DNMBP: variants seen among roughly 807,000 people sequenced by gnomAD.
DNMBP encodes the protein dynamin-binding protein.
In DNMBP, 87 loss-of-function variants were observed where a neutral mutation model predicts 150.0. The observed-to-expected ratio is 0.58, with a 90% CI of 0.49 to 0.69. DNMBP has a LOEUF of 0.69. Ranked by LOEUF, DNMBP falls within the 30% of genes least tolerant of loss-of-function variation. The pLI, the probability that DNMBP is intolerant of heterozygous loss-of-function variation, is 0.00. For synonymous variants in DNMBP, 711 were observed against 750.4 expected, an observed-to-expected ratio of 0.95 and a Z score of 0.86; for missense variants, 1,774 against 1,949.0, an observed-to-expected ratio of 0.91 and a Z score of 1.69.
chr10:100,000,196 TAA>T (rs2040994080), intron 1 of DNMBP, among the ~76,000 whole-genome samples: 1 of 152,176 alleles, frequency 6.6e-6, no homozygotes, highest in Non-Finnish European at 1.5e-5. Flanking sequence ...ACAGAAAAGC[TAA>T]AAAGTTTCCA....
rs1279614244 is a variant in DNMBP at position 100,000,879 on chromosome 10, A to AC, written c.-11+8958_-11+8959insG. On this transcript the variant is annotated intron_variant, in intron 1 of 16. Coordinates refer to ENST00000324109, the MANE Select transcript of DNMBP (RefSeq NM_015221.4). ...TATGGCAAAAAAAAAAAAAAAAAAA[A>AC]AAAAAAAACCCAGCAGGGTACAGGA... 6.9e-3 allele frequency among the ~76,000 whole-genome samples: 949 copies of AC among 137,130 alleles called. 17 individuals carry two copies. The highest frequency in any genetic ancestry group is 0.015 in the Middle Eastern group (4 of 268). The allele number at this position is 137,130 out of a possible 152,430, so 90.0% of individuals were successfully genotyped here.
chr10:99,877,332 T>C lies in DNMBP; in HGVS notation c.4553A>G (p.Tyr1518Cys), dbSNP rs139264891. ...TGCCTTGAAGGTGTAGACAGCAAAA[T>C]AGACCTGTGTGAGGGAGAGAGAGAA... ...DGSEAEGNQV[Y>C]FAVYTFKARN... The change falls in exon 17 of 17, where the codon TAT becomes TGT. Residue 1518 changes from tyrosine (Y) to cysteine (C), a missense_variant. Around this residue, in one of 2 missense-constraint regions of DNMBP, gnomAD observed 1,430 missense variants for 1,492.5 expected, o/e 0.96. Transcript: ENST00000324109. 4.5e-4 allele frequency: 717 copies of C among 1,609,374 alleles called. 8 individuals carry two copies. The highest frequency in any genetic ancestry group is 3.1e-3 in the Middle Eastern group (19 of 6,040).
intron 1 of DNMBP, among the ~76,000 whole-genome samples, chr10:100,003,935 A>C (rs897537817): frequency 3.9e-5 from 6 of 152,148 alleles, no homozygotes; most frequent in African/African-American, 1.4e-4. Flanking sequence ...AAATTCCTCA[A>C]AAATATAATT....
chr10:99,914,054 A>G, intron 4 of DNMBP: 1 of 1,473,516 alleles, frequency 6.8e-7, no homozygotes, highest in Non-Finnish European at 9.0e-7. Context: ...AACCCCCCAA[A>G]CTCCTTTGAA....
rs1002794140 is a variant in DNMBP at position 99,985,553 on chromosome 10, A to G, written c.-10-13419T>C. Among the ~76,000 whole-genome samples the G allele has an allele frequency of 2.0e-5, 3 of 152,216 alleles. No homozygotes were observed. In the East Asian group the frequency reaches 5.8e-4, roughly 29 times the overall value. On this transcript the variant is annotated intron_variant, in intron 1 of 16. Coordinates refer to ENST00000324109, the MANE Select transcript of DNMBP (RefSeq NM_015221.4). Reference sequence around the variant, plus strand: ...GTCAGGTGGAGGTTCCTTCAAAAGAATATGCTTCCACGAGCATCCTTATGT... The same window carrying G: ...GTCAGGTGGAGGTTCCTTCAAAAGAGTATGCTTCCACGAGCATCCTTATGT...
intron 11 of DNMBP, among the ~76,000 whole-genome samples, chr10:99,890,229 C>T (rs1325126534): frequency 6.6e-6 from 1 of 152,138 alleles, no homozygotes; most frequent in African/African-American, 2.4e-5. Context: ...GTTATAAAGT[C>T]CCCAAATATC....
Position 99,888,879 on chromosome 10 carries a change from C to T in DNMBP, c.3231G>A (p.Leu1077=). The T allele has an allele frequency of 1.2e-6, 2 of 1,614,160 alleles. No homozygotes were observed. Among genetic ancestry groups the T allele is most frequent in the Non-Finnish European group, 1.7e-6 (2 of 1,180,032 alleles). Residue 1077 remains leucine, a synonymous_variant, in exon 12 of 17, where the codon CTG becomes CTA. Transcript: ENST00000324109. ...DVCMERGHRD[L]EQFERVHRYI... ...AGCGATGCACCCTCTCAAACTGCTC[C>T]AGGTCCCGGTGTCCTCTCTCCATGC...
At chr10:99,913,662 T>A (rs1023556171) in intron 4 of DNMBP, among the ~76,000 whole-genome samples, 2 of 151,854 alleles carry the variant, frequency 1.3e-5, no homozygotes, top group Non-Finnish European at 2.9e-5. Context: ...CCTGATTCCA[T>A]TCCTTCTCAA....
chr10:100,003,527 C>G (rs922838783), intron 1 of DNMBP, among the ~76,000 whole-genome samples: 2 of 152,118 alleles, frequency 1.3e-5, no homozygotes, highest in Non-Finnish European at 1.5e-5. Flanking sequence ...GAAAAATGAG[C>G]TGAATAAACG....
intron 6 of DNMBP, among the ~76,000 whole-genome samples, chr10:99,900,881 T>C (rs2039728939): frequency 6.6e-6 from 1 of 152,210 alleles, no homozygotes; most frequent in South Asian, 2.1e-4. Flanking sequence ...GGATAAAGTA[T>C]ATTACATTAA....
At chr10:99,951,385 A>G (rs939013818) in intron 4 of DNMBP, among the ~76,000 whole-genome samples, 1 of 152,176 alleles carries the variant, frequency 6.6e-6, no homozygotes, top group Admixed American at 6.5e-5. Context: ...TGGAGCTGTG[A>G]GAAGAGGGCC....
At chr10:99,946,975 T>G (rs1375063724) in intron 4 of DNMBP, among the ~76,000 whole-genome samples, 1 of 152,134 alleles carries the variant, frequency 6.6e-6, no homozygotes, top group Non-Finnish European at 1.5e-5. Flanking sequence ...AAAAAATGCT[T>G]AACATCGCTA....
intron 6 of DNMBP, among the ~76,000 whole-genome samples, chr10:99,903,101 A>AT (rs35462310): frequency 0.083 from 11,149 of 134,280 alleles, 594 homozygotes; most frequent in Middle Eastern, 0.23. Flanking sequence ...CACCTGGGCA[A>AT]TTTTTTTTTT....
intron 15 of DNMBP, among the ~76,000 whole-genome samples, chr10:99,882,378 G>T (rs920741024): frequency 6.6e-6 from 1 of 152,156 alleles, no homozygotes; most frequent in African/African-American, 2.4e-5. Context: ...TCTCTGCAAA[G>T]AAATGACAAG....
chr10:99,947,558 A>G (rs943499284), intron 4 of DNMBP, among the ~76,000 whole-genome samples: 1 of 139,606 alleles, frequency 7.2e-6, no homozygotes, highest in Admixed American at 7.1e-5. Flanking sequence ...TGGGGACTAC[A>G]GGACAATGGA....
In DNMBP at chr10:99,902,025, C is replaced by T. The variant is rs566531398; in HGVS notation, c.2555-1959G>A. 4.1e-4 allele frequency among the ~76,000 whole-genome samples: 62 copies of T among 152,010 alleles called. 5 individuals are homozygous for T. The South Asian group carries it at 0.011, about 27-fold the overall frequency. On this transcript the variant is annotated intron_variant, in intron 6 of 16. Transcript: ENST00000324109. ...TCAAGTGATCCTCCGACCTCAGCCT[C>T]CTGAGTAGCTGGGACACCACCACAC...
In DNMBP at chr10:99,977,038, A is replaced by C. The variant is rs148904389; in HGVS notation, c.-10-4904T>G. ...CAAAGGGAGTAATGCTTGTAATCTG[A>C]AAGAGTTAAAGCTTCTCCCAGAGAA... On this transcript the variant is annotated intron_variant, in intron 1 of 16. Transcript: ENST00000324109. Among the ~76,000 whole-genome samples the C allele has an allele frequency of 1.1e-4, 16 of 152,332 alleles. No homozygotes were observed. In the East Asian group the frequency reaches 3.1e-3, roughly 29 times the overall value.
intron 4 of DNMBP, among the ~76,000 whole-genome samples, chr10:99,936,619 T>A (rs1202452188): frequency 3.3e-5 from 5 of 151,904 alleles, no homozygotes; most frequent in Admixed American, 3.3e-4. Flanking sequence ...ATGTTTCTAT[T>A]TTCCCTCACA....
intron 9 of DNMBP, among the ~76,000 whole-genome samples, chr10:99,897,661 G>T (rs901672879): frequency 1.3e-5 from 2 of 152,118 alleles, no homozygotes; most frequent in Non-Finnish European, 2.9e-5. Flanking sequence ...TTTGGGCCGG[G>T]TGCAGTGGCT....
Sources: gnomAD v4.1 joint callset for allele counts (sites outside exome capture counted in the v4.1 genomes callset) on GRCh38, gnomAD v4.1.1 for gene constraint, gnomAD v4.1.1 regional missense constraint, MANE v1.5 for transcripts, NCBI Gene and HGNC (gene_info 2026-07-23, HGNC 2026-07-21) for gene names.